Variants in TMEM167A observed in about 807,000 individuals in gnomAD.
TMEM167A encodes transmembrane protein 167A.
Under a neutral mutation model 11.6 loss-of-function variants are expected in TMEM167A, and 8 were observed. The observed-to-expected ratio is 0.69, with a 90% CI of 0.40 to 1.24. The LOEUF (loss-of-function observed/expected upper bound fraction) is 1.24. Ranked by LOEUF, TMEM167A falls within the 50% of genes most tolerant of loss-of-function variation. The pLI is 0.01. For missense variants in TMEM167A, 62 were observed against 87.0 expected (o/e 0.71, Z 1.14); for synonymous variants, 22 against 28.0 (o/e 0.79, Z 0.67).
rs1386148645 is a variant in TMEM167A, at chr5:83,055,262, A to AT, written c.*1821dup. The AT allele has an allele frequency of 1.3e-5, 2 of 152,014 alleles. No homozygotes were observed. Among genetic ancestry groups the AT allele is most frequent in the South Asian group, 2.1e-4 (1 of 4,830 alleles). 9.4% of individuals were successfully genotyped at this position (152,014 alleles called of 1,614,324 possible). On this transcript the variant is annotated 3_prime_UTR_variant, in exon 4 of 4. Coordinates refer to ENST00000502346, the MANE Select transcript of TMEM167A (RefSeq NM_174909.5). Reference sequence around the variant, plus strand: ...AGAAATGTCTTAGAATATCTAGAATATTCTTCCTCTTTTCATATTCGATTT... The same window carrying AT: ...AGAAATGTCTTAGAATATCTAGAATATTTCTTCCTCTTTTCATATTCGATTT...
rs1744328790 is a variant in TMEM167A at position 83,056,205 on chromosome 5, T to C, written c.*879A>G. The C allele has an allele frequency of 1.3e-5, 2 of 152,016 alleles. No homozygotes were observed. Among genetic ancestry groups the C allele is most frequent in the South Asian group, 4.1e-4 (2 of 4,830 alleles). 9.4% of individuals were successfully genotyped at this position (152,016 alleles called of 1,614,324 possible). On this transcript the variant is annotated 3_prime_UTR_variant, in exon 4 of 4. Transcript: ENST00000502346. ...CACAAACTGGATTTAAAGTGCTGTG[T>C]TAAAAAACAAAACAAAAATACAGTT...
chr5:83,062,010 A>G, intron 2 of TMEM167A, 99 bp from the exon 3 acceptor site: 1 of 974,164 alleles, frequency 1.0e-6, no homozygotes, highest in Non-Finnish European at 1.6e-6. Flanking sequence ...ATATTAACAT[A>G]TTAACCTTTA....
At chr5:83,058,157 C>T (rs1351026949) in intron 3 of TMEM167A, among the ~76,000 whole-genome samples, 5 of 151,982 alleles carry the variant, frequency 3.3e-5, no homozygotes, top group Non-Finnish European at 7.4e-5. Context: ...GCAAGTTAGG[C>T]AAACTACCTC....
At chr5:83,070,650 A>C (rs947388033) in intron 1 of TMEM167A, among the ~76,000 whole-genome samples, 3 of 152,182 alleles carry the variant, frequency 2.0e-5, no homozygotes, top group Non-Finnish European at 4.4e-5. Context: ...GAAGGGGTCT[A>C]GACATGAAAT....
At chr5:83,076,878 A>G (rs146553511) in intron 1 of TMEM167A, among the ~76,000 whole-genome samples, 23 of 152,332 alleles carry the variant, frequency 1.5e-4, no homozygotes, top group African/African-American at 5.1e-4. Flanking sequence ...GCTACTGACT[A>G]AACAGATGAA....
rs111494863 is a variant in TMEM167A, at chr5:83,056,057, T to G, written c.*1027A>C. The G allele has an allele frequency of 5.0e-4, 76 of 152,142 alleles. 1 individual carries two copies. The highest frequency in any genetic ancestry group is 1.6e-3 in the African/African-American group (66 of 41,550). The allele number at this position is 152,142 out of a possible 1,614,324, so 9.4% of individuals were successfully genotyped here. A position where few individuals can be genotyped will look rare whatever the true frequency, so the allele number is the denominator to read the frequency against. ...TCCTCTCGCCTAGACTAAAAATTGT[T>G]GAAGGTCTCCTTTCACTATCAAAGT... On this transcript the variant is annotated 3_prime_UTR_variant, in exon 4 of 4. Transcript: ENST00000502346.
rs1744344044 is a variant in TMEM167A, at chr5:83,057,135, A to G, written c.168T>C (p.Tyr56=). The part of the protein sequence containing the change: ...CARIGERKSP[Y]VAVCCIVMAF... ...CCATTACTATACAGCATACTGCAAC[A>G]TAAGGACTCTTCCGTTCACCTGTTG... is the stretch of plus-strand genomic sequence containing the variant. The change falls in exon 4 of 4, where the codon TAT becomes TAC. Residue 56 remains tyrosine (Y), a synonymous_variant. Coordinates refer to ENST00000502346, the MANE Select transcript of TMEM167A (RefSeq NM_174909.5). 1.2e-6 allele frequency: 2 copies of G among 1,612,302 alleles called. No homozygotes were observed. Among genetic ancestry groups the G allele is most frequent in the South Asian group, 1.1e-5 (1 of 91,042 alleles).
Position 83,060,984 on chromosome 5 carries a change from G to A in TMEM167A, c.148+893C>T, listed in dbSNP as rs181444265. Among the ~76,000 whole-genome samples the A allele has an allele frequency of 5.3e-4, 81 of 152,260 alleles. 1 individual carries two copies. The Middle Eastern group carries it at 0.041, about 77-fold the overall frequency. On this transcript the variant is annotated intron_variant, in intron 3 of 3. Transcript: ENST00000502346. ...AGTATATTATTAACTATAAAAACAT[G>A]TATGATGCTACTAATCTCTTATCAT... is the stretch of plus-strand genomic sequence containing the variant.
chr5:83,077,215 A>C, intron 1 of TMEM167A, 106 bp downstream of exon 1: 1 of 1,549,708 alleles, frequency 6.5e-7, no homozygotes, highest in Non-Finnish European at 8.9e-7. Context: ...AAGGCCTCTC[A>C]GCTCCGGGCC....
chr5:83,077,370 G>A lies in TMEM167A; in HGVS notation c.-47C>T. The A allele has an allele frequency of 1.2e-6, 2 of 1,614,116 alleles. No homozygotes were observed. The highest frequency in any genetic ancestry group is 1.1e-5 in the South Asian group (1 of 91,080). On this transcript the variant is annotated 5_prime_UTR_variant, in exon 1 of 4. Coordinates refer to ENST00000502346, the MANE Select transcript of TMEM167A (RefSeq NM_174909.5). The stretch of plus-strand genomic sequence containing the variant: ...GCCACATCACCCTTCCGGGGCTCAG[G>A]CGGAAGAGGCTGCATGTCCCGTCTG...
rs750187337 is a variant in TMEM167A at position 83,057,078 on chromosome 5, C to A, written c.*6G>T. On this transcript the variant is annotated 3_prime_UTR_variant, in exon 4 of 4. Coordinates refer to ENST00000502346, the MANE Select transcript of TMEM167A (RefSeq NM_174909.5). ...GATGGCAACTACATTCTGGCATTTTCCCCAGCTACTGTATGAAGAGGATGC... is the reference window on the plus strand; with the variant it reads ...GATGGCAACTACATTCTGGCATTTTACCCAGCTACTGTATGAAGAGGATGC... 23 of 1,610,516 alleles carry A rather than the reference C, an allele frequency of 1.4e-5. No homozygotes were observed. The highest frequency in any genetic ancestry group is 3.9e-4 in the Middle Eastern group (2 of 5,094).
At chr5:83,060,886 A>T (rs1264461687) in intron 3 of TMEM167A, among the ~76,000 whole-genome samples, 1 of 152,112 alleles carries the variant, frequency 6.6e-6, no homozygotes, top group East Asian at 1.9e-4. Context: ...TAATTGATTC[A>T]CTTAATCATT....
intron 1 of TMEM167A, among the ~76,000 whole-genome samples, chr5:83,067,298 A>G (rs1412902359): frequency 6.6e-6 from 1 of 152,176 alleles, no homozygotes; most frequent in Non-Finnish European, 1.5e-5. Flanking sequence ...AATCTTTTCT[A>G]TATTTTTATG....
At chr5:83,068,583 G>A (rs568415039) in intron 1 of TMEM167A, among the ~76,000 whole-genome samples, 2 of 152,146 alleles carry the variant, frequency 1.3e-5, no homozygotes, top group South Asian at 4.1e-4. Context: ...AAGCAGGAAC[G>A]GAGTCAAACC....
In TMEM167A at chr5:83,055,316, T is replaced by C. The variant is rs553416254; in HGVS notation, c.*1768A>G. On this transcript the variant is annotated 3_prime_UTR_variant, in exon 4 of 4. Coordinates refer to ENST00000502346, the MANE Select transcript of TMEM167A (RefSeq NM_174909.5). Reference sequence around the variant, plus strand: ...TTAGCATATAAAAAATTAGTTGACATGGCTTTCGGAAAGTCCAGTTGGCAG... The same window carrying C: ...TTAGCATATAAAAAATTAGTTGACACGGCTTTCGGAAAGTCCAGTTGGCAG... 1 of 152,138 alleles carries C rather than the reference T, an allele frequency of 6.6e-6. No individual in the cohort carries two copies. The highest frequency in any genetic ancestry group is 2.1e-4 in the South Asian group (1 of 4,828). The allele number at this position is 152,138 out of a possible 1,614,324, so 9.4% of individuals were successfully genotyped here. A position where few individuals can be genotyped will look rare whatever the true frequency, so the allele number is the denominator to read the frequency against.
chr5:83,065,305 G>A (rs1744466265), intron 1 of TMEM167A, among the ~76,000 whole-genome samples, 188 bp from the exon 2 acceptor site: 1 of 151,986 alleles, frequency 6.6e-6, no homozygotes, highest in South Asian at 2.1e-4. Context: ...CCAATAGCTG[G>A]TTTTATGGCC....
At chr5:83,072,809 G>T (rs980781308) in intron 1 of TMEM167A, among the ~76,000 whole-genome samples, 3 of 152,096 alleles carry the variant, frequency 2.0e-5, no homozygotes, top group African/African-American at 7.2e-5. Context: ...CAAAAGCTTT[G>T]CTAGAGAAGA....
chr5:83,056,171 T>C lies in TMEM167A; in HGVS notation c.*913A>G, dbSNP rs1230582881. ...GTAACAAAAGAGATTCCAGTTCAAG[T>C]TGACAAAACACAAACTGGATTTAAA... On this transcript the variant is annotated 3_prime_UTR_variant, in exon 4 of 4. Coordinates refer to ENST00000502346, the MANE Select transcript of TMEM167A (RefSeq NM_174909.5). 2.0e-5 allele frequency: 3 copies of C among 152,020 alleles called. No individual in the cohort carries two copies. The highest frequency in any genetic ancestry group is 7.2e-5 in the African/African-American group (3 of 41,432). 9.4% of individuals were successfully genotyped at this position (152,020 alleles called of 1,614,324 possible).
At chr5:83,057,651 A>C (rs1220810136) in intron 3 of TMEM167A, among the ~76,000 whole-genome samples, 1 of 152,114 alleles carries the variant, frequency 6.6e-6, no homozygotes, top group African/African-American at 2.4e-5. Flanking sequence ...AGGATGGTCA[A>C]TAAAACTGCA....
Sources: gnomAD v4.1 joint callset for allele counts (sites outside exome capture counted in the v4.1 genomes callset) on GRCh38, gnomAD v4.1.1 for gene constraint, MANE v1.5 for transcripts, NCBI Gene and HGNC (gene_info 2026-07-23, HGNC 2026-07-21) for gene names.